PRDM10: variants seen among roughly 807,000 people sequenced by gnomAD.
The protein encoded by PRDM10 is PR domain zinc finger protein 10.
PRDM10 carries 65 observed loss-of-function variants against 133.1 expected under a neutral mutation model. The observed-to-expected ratio is 0.49, with a 90% CI of 0.40 to 0.60. PRDM10 has a LOEUF of 0.60. Ranked by LOEUF, PRDM10 falls within the 20% of genes least tolerant of loss-of-function variation. The pLI, the probability that PRDM10 is intolerant of heterozygous loss-of-function variation, is 0.00. For missense variants in PRDM10, 1,137 were observed against 1,507.1 expected, an observed-to-expected ratio of 0.75 and a Z score of 4.07; for synonymous variants, 582 against 580.4, an observed-to-expected ratio of 1.00 and a Z score of -0.04.
At chr11:129,941,748 C>T (rs1187205576) in intron 7 of PRDM10, among the ~76,000 whole-genome samples, 1 of 152,178 alleles carries the variant, frequency 6.6e-6, no homozygotes, top group Non-Finnish European at 1.5e-5. Flanking sequence ...GATAATTTTG[C>T]CCAACTGTAG....
chr11:129,984,785 T>G (rs978989824), intron 1 of PRDM10, among the ~76,000 whole-genome samples: 3 of 152,186 alleles, frequency 2.0e-5, no homozygotes, highest in African/African-American at 7.2e-5. Flanking sequence ...GTCCTCTTTC[T>G]TGTTTTTGGC....
At chr11:129,997,239 G>A (rs1591711218) in intron 1 of PRDM10, among the ~76,000 whole-genome samples, 2 of 152,230 alleles carry the variant, frequency 1.3e-5, no homozygotes, top group Admixed American at 1.3e-4. Context: ...AGCACTTTGG[G>A]AGGCAGAGAT....
At chr11:129,949,147 G>A (rs535930116) in intron 4 of PRDM10, among the ~76,000 whole-genome samples, 5 of 152,140 alleles carry the variant, frequency 3.3e-5, no homozygotes, top group Non-Finnish European at 7.4e-5. Context: ...ATGAGTATGC[G>A]TTTTCACATG....
At chr11:129,989,021 C>T (rs529258123) in intron 1 of PRDM10, among the ~76,000 whole-genome samples, 3 of 152,312 alleles carry the variant, frequency 2.0e-5, no homozygotes, top group Non-Finnish European at 2.9e-5. Context: ...AAGCCTCAAA[C>T]AGTAGTAAGG....
chr11:129,947,581 C>G lies in PRDM10; in HGVS notation c.295-211G>C. ...CTGACTGCTCACAGCCTTTAAGCCT[C>G]TGCCCTCCCTCTGCCCCTTCTGTCC... On this transcript the variant is annotated intron_variant, in intron 4 of 20. Transcript: ENST00000360871. The surrounding 1 kb of genome is among the most constrained non-coding windows in gnomAD (Gnocchi z 4.6). The G allele has an allele frequency of 1.4e-6, 2 of 1,423,302 alleles. No individual in the cohort carries two copies. Among genetic ancestry groups the G allele is most frequent in the Non-Finnish European group, 1.8e-6 (2 of 1,088,856 alleles). 88.2% of individuals were successfully genotyped at this position (1,423,302 alleles called of 1,614,324 possible).
At chr11:129,929,215 T>C (rs1342586101) in intron 11 of PRDM10, among the ~76,000 whole-genome samples, 1 of 152,230 alleles carries the variant, frequency 6.6e-6, no homozygotes, top group Non-Finnish European at 1.5e-5. Context: ...CTTCATTTTG[T>C]ATATGAGGAA....
chr11:129,992,515 G>A (rs1449214690), intron 1 of PRDM10, among the ~76,000 whole-genome samples: 1 of 152,200 alleles, frequency 6.6e-6, no homozygotes, highest in Non-Finnish European at 1.5e-5. Context: ...TAGGCAAAGT[G>A]GCCAGGACCC....
chr11:129,978,391 T>A (rs1266360991), intron 1 of PRDM10, among the ~76,000 whole-genome samples: 1 of 152,228 alleles, frequency 6.6e-6, no homozygotes, highest in South Asian at 2.1e-4. Context: ...GCTTCTGATA[T>A]GAGACTGAGC....
chr11:129,934,346 A>G (rs1354737920), intron 9 of PRDM10, among the ~76,000 whole-genome samples: 1 of 152,046 alleles, frequency 6.6e-6, no homozygotes, highest in Non-Finnish European at 1.5e-5. Context: ...CCCAACTACC[A>G]TCTCACACAT....
chr11:129,998,716 A>G (rs1688440341), intron 1 of PRDM10, among the ~76,000 whole-genome samples: 1 of 152,210 alleles, frequency 6.6e-6, no homozygotes, highest in African/African-American at 2.4e-5. Context: ...TTTAAAATCT[A>G]CACAAGGATG....
intron 1 of PRDM10, among the ~76,000 whole-genome samples, chr11:129,999,882 C>T (rs1357986584): frequency 2.6e-5 from 4 of 152,052 alleles, no homozygotes; most frequent in African/African-American, 4.8e-5. Flanking sequence ...TCTTTAGACA[C>T]CTATTTACGT....
chr11:129,928,530 C>G (rs892853165), intron 11 of PRDM10, among the ~76,000 whole-genome samples: 2 of 152,070 alleles, frequency 1.3e-5, no homozygotes, highest in African/African-American at 4.8e-5. Context: ...GCTGAGACTA[C>G]AGGTGCCTGC....
intron 10 of PRDM10, 88 bp downstream of exon 10, chr11:129,932,014 G>C (rs1306219414): frequency 6.9e-7 from 1 of 1,446,450 alleles, no homozygotes; most frequent in African/African-American, 1.4e-5. Flanking sequence ...ACAAACATTG[G>C]GAAGGTCTTT....
rs111944723 is a variant in PRDM10 at position 129,934,925 on chromosome 11, T to C, written c.1157+176A>G. Among the ~76,000 whole-genome samples the C allele has an allele frequency of 7.6e-3, 1,152 of 152,330 alleles. 21 individuals are homozygous for C. The highest frequency in any genetic ancestry group is 0.026 in the African/African-American group (1,101 of 41,564). On this transcript the variant is annotated intron_variant, in intron 9 of 20. Coordinates refer to ENST00000360871, the MANE Select transcript of PRDM10 (RefSeq NM_199437.2). ...TGGTTATGCTGGAAAAGATGGATAA[T>C]AGTAAATGAGGAGCAGAGGGAAAAG...
At chr11:129,980,583 C>G (rs1254128908) in intron 1 of PRDM10, among the ~76,000 whole-genome samples, 1 of 152,166 alleles carries the variant, frequency 6.6e-6, no homozygotes, top group East Asian at 1.9e-4. Flanking sequence ...GGGACCGTGG[C>G]ATTAGTGGAC....
chr11:129,937,045 C>A (rs1477986296), intron 8 of PRDM10, among the ~76,000 whole-genome samples: 3 of 152,190 alleles, frequency 2.0e-5, no homozygotes, highest in Admixed American at 1.3e-4. Context: ...TTCTATTATG[C>A]ACAATTTGTT....
At position 129,901,506 on chromosome 11, in the gene PRDM10, CT is replaced by C. The variant is rs1225072556; in HGVS notation, c.*806del. On this transcript the variant is annotated 3_prime_UTR_variant, in exon 21 of 21. Transcript: ENST00000360871. ...AAATTTTTCTTGGTACCAATATCTC[CT>C]TCTTACCACCACCACAACCACAGAA... is the stretch of plus-strand genomic sequence containing the variant. The C allele has an allele frequency of 6.6e-6, 1 of 152,118 alleles. No homozygotes were observed. Among genetic ancestry groups the C allele is most frequent in the Admixed American group, 6.5e-5 (1 of 15,274 alleles). The allele number at this position is 152,118 out of a possible 1,614,324, so 9.4% of individuals were successfully genotyped here.
At chr11:129,992,162 G>C (rs1050347308) in intron 1 of PRDM10, among the ~76,000 whole-genome samples, 2 of 152,120 alleles carry the variant, frequency 1.3e-5, no homozygotes, top group African/African-American at 4.8e-5. Context: ...AGGAATTAAA[G>C]ACCACAAAAA....
chr11:129,912,152 T>C lies in PRDM10; in HGVS notation c.2915A>G (p.Gln972Arg). The change falls in exon 18 of 21, where the codon CAG becomes CGG. Residue 972 changes from glutamine (Q) to arginine (R), a missense_variant. Gln to Arg is a conservative substitution (Grantham distance 43, BLOSUM62 1). Coordinates refer to ENST00000360871, the MANE Select transcript of PRDM10 (RefSeq NM_199437.2). Reference protein sequence around the residue: ...GQLHDPQPYPQHAIQVQHIQV... With the variant: ...GQLHDPQPYPRHAIQVQHIQV... ...GATGTGCTGCACCTGGATGGCGTGC[T>C]GGGGGTAGGGCTGAGGATCATGGAG... The C allele has an allele frequency of 6.2e-7, 1 of 1,612,622 alleles. No homozygotes were observed. The highest frequency in any genetic ancestry group is 2.2e-5 in the East Asian group (1 of 44,736).
Sources: allele counts gnomAD v4.1 joint callset (sites outside exome capture counted in the v4.1 genomes callset), GRCh38; gene constraint gnomAD v4.1.1; non-coding constraint Gnocchi (gnomAD v3.1); transcripts MANE v1.5; gene names NCBI Gene and HGNC (gene_info 2026-07-23, HGNC 2026-07-21).